Variants in LHFPL3 observed in about 807,000 individuals in gnomAD.
The protein encoded by LHFPL3 is LHFPL tetraspan subfamily member 3, also known as LHFPL tetraspan subfamily member 3 protein.
LHFPL3 carries 5 observed loss-of-function variants against 19.3 expected under a neutral mutation model. That is an observed-to-expected ratio of 0.26 (90% CI 0.14 to 0.54). The LOEUF (loss-of-function observed/expected upper bound fraction) is 0.54. Among genes scored for constraint, LHFPL3 ranks in the 20% least tolerant of loss-of-function variants. The pLI is 0.94. For missense variants in LHFPL3, 249 were observed against 307.4 expected (o/e 0.81, Z 1.42); for synonymous variants, 133 against 126.2 (o/e 1.05, Z -0.36).
chr7:104,825,788 T>G (rs1219303110), intron 2 of LHFPL3, among the ~76,000 whole-genome samples: 1 of 151,900 alleles, frequency 6.6e-6, no homozygotes, highest in East Asian at 1.9e-4. Context: ...TCCAACACAT[T>G]TGCATTTTAG....
chr7:104,458,418 A>G lies in LHFPL3; in HGVS notation c.445+129194A>G, dbSNP rs1332415700. 6.6e-5 allele frequency among the ~76,000 whole-genome samples: 10 copies of G among 152,210 alleles called. 1 individual carries two copies. Among genetic ancestry groups the G allele is most frequent in the Middle Eastern group, 3.4e-3 (1 of 294 alleles). On this transcript the variant is annotated intron_variant, in intron 1 of 2. Transcript: ENST00000424859. ...TTTTGTCAGGTTTGTCAAAGATCAG[A>G]TAGTTGTAGATATGCGGTGTTATTT...
At chr7:104,467,016 C>T (rs1473857200) in intron 1 of LHFPL3, among the ~76,000 whole-genome samples, 2 of 152,220 alleles carry the variant, frequency 1.3e-5, no homozygotes, top group East Asian at 1.9e-4. Context: ...TCCTTATTAA[C>T]ATCTGTTTCC....
intron 2 of LHFPL3, among the ~76,000 whole-genome samples, chr7:104,812,363 G>A (rs1171126939): frequency 6.6e-6 from 1 of 152,126 alleles, no homozygotes; most frequent in East Asian, 1.9e-4. Context: ...TACAGCAAGG[G>A]AAATGAAAGA....
intron 1 of LHFPL3, among the ~76,000 whole-genome samples, chr7:104,410,064 T>G (rs1454163289): frequency 6.6e-6 from 1 of 152,176 alleles, no homozygotes; most frequent in Non-Finnish European, 1.5e-5. Flanking sequence ...GTGGTCCATA[T>G]TCCTTAACTA....
chr7:104,368,386 G>T lies in LHFPL3; in HGVS notation c.445+39162G>T, dbSNP rs145128372. Among the ~76,000 whole-genome samples, 75 of 152,300 alleles carry T rather than the reference G, an allele frequency of 4.9e-4. 1 individual carries two copies. In the South Asian group the frequency reaches 8.7e-3, roughly 18 times the overall value. On this transcript the variant is annotated intron_variant, in intron 1 of 2. Coordinates refer to ENST00000424859, the MANE Select transcript of LHFPL3 (RefSeq NM_199000.3). ...AAGGGACCTGAACGGTTCAGTTTGAGACTTTTAAGATTGATTTTAGCTTAA... is the reference window on the plus strand; with the variant it reads ...AAGGGACCTGAACGGTTCAGTTTGATACTTTTAAGATTGATTTTAGCTTAA...
chr7:104,895,739 A>C (rs1467226903), intron 2 of LHFPL3: 1 of 151,746 alleles, frequency 6.6e-6, no homozygotes, highest in African/African-American at 2.4e-5. Context: ...TCTAACCCCA[A>C]CTCTTCAGTT....
chr7:104,384,525 G>A (rs1167065391), intron 1 of LHFPL3, among the ~76,000 whole-genome samples: 2 of 152,068 alleles, frequency 1.3e-5, no homozygotes, highest in Non-Finnish European at 2.9e-5. Context: ...GGTGGCTCAT[G>A]CCTGTAATCC....
In LHFPL3 at chr7:104,348,983, T is replaced by C. The variant is rs1032951855; in HGVS notation, c.445+19759T>C. ...GTCCTCCTTCTACCACTCTTCTCCT[T>C]TTTTCTCCTTTGACTCCTCCTTTTC... On this transcript the variant is annotated intron_variant, in intron 1 of 2. Coordinates refer to ENST00000424859, the MANE Select transcript of LHFPL3 (RefSeq NM_199000.3). 1.2e-4 allele frequency among the ~76,000 whole-genome samples: 4 copies of C among 32,950 alleles called. No homozygotes were observed. In the Admixed American group the frequency reaches 1.6e-3, roughly 13 times the overall value. The allele number at this position is 32,950 out of a possible 152,430, so 21.6% of individuals were successfully genotyped here. A position where few individuals can be genotyped will look rare whatever the true frequency, so the allele number is the denominator to read the frequency against.
At chr7:104,443,434 C>T (rs982433086) in intron 1 of LHFPL3, among the ~76,000 whole-genome samples, 9 of 152,258 alleles carry the variant, frequency 5.9e-5, no homozygotes, top group Middle Eastern at 3.4e-3. Context: ...ACTTATCAAG[C>T]GCCACTAGAC....
At chr7:104,589,734 T>C (rs540800144) in intron 1 of LHFPL3, among the ~76,000 whole-genome samples, 1 of 152,290 alleles carries the variant, frequency 6.6e-6, no homozygotes, top group African/African-American at 2.4e-5. Flanking sequence ...TGTGAATCCA[T>C]CTGGTCCTGG....
chr7:104,900,550 C>T (rs1792462976), intron 2 of LHFPL3, among the ~76,000 whole-genome samples: 1 of 152,212 alleles, frequency 6.6e-6, no homozygotes. Context: ...CCATCGTCTC[C>T]TGTGTTGAAA....
At chr7:104,467,646 C>G (rs555796627) in intron 1 of LHFPL3, among the ~76,000 whole-genome samples, 1 of 152,256 alleles carries the variant, frequency 6.6e-6, no homozygotes, top group South Asian at 2.1e-4. Flanking sequence ...GATGCGTATT[C>G]AATTTAATAA....
At chr7:104,738,462 A>G (rs1336717197) in intron 2 of LHFPL3, 3 of 152,218 alleles carry the variant, frequency 2.0e-5, no homozygotes, top group African/African-American at 7.2e-5. Flanking sequence ...TCTGCAGATT[A>G]TGATTTTTGC....
intron 1 of LHFPL3, among the ~76,000 whole-genome samples, chr7:104,508,560 G>A (rs1019000793): frequency 1.3e-5 from 2 of 151,420 alleles, no homozygotes; most frequent in African/African-American, 2.4e-5. Context: ...GTATACATAT[G>A]TAACTAACCT....
chr7:104,864,342 G>T (rs1049116510), intron 2 of LHFPL3, among the ~76,000 whole-genome samples: 2 of 149,358 alleles, frequency 1.3e-5, no homozygotes, highest in African/African-American at 2.5e-5. Flanking sequence ...AGTGCAAGGG[G>T]TCAGGGAATT....
chr7:104,455,701 A>G (rs529059028), intron 1 of LHFPL3, among the ~76,000 whole-genome samples: 47 of 152,302 alleles, frequency 3.1e-4, no homozygotes, highest in African/African-American at 1.1e-3. Context: ...CACTTGAGCA[A>G]AACAGTGAGG....
At chr7:104,838,768 GTTTTATTTTAA>G (rs1554349989) in intron 2 of LHFPL3, among the ~76,000 whole-genome samples, 4 of 152,112 alleles carry the variant, frequency 2.6e-5, no homozygotes, top group Non-Finnish European at 5.9e-5. Context: ...GAATTTTTGT[GTTTTATTTTAA>G]TTAATTTAAA....
chr7:104,711,827 A>T (rs1320858117), intron 1 of LHFPL3, among the ~76,000 whole-genome samples: 1 of 152,246 alleles, frequency 6.6e-6, no homozygotes, highest in Non-Finnish European at 1.5e-5. Flanking sequence ...AATTTATTCC[A>T]TATAATAAAG....
intron 2 of LHFPL3, among the ~76,000 whole-genome samples, chr7:104,776,699 A>G (rs1167739533): frequency 6.6e-6 from 1 of 152,340 alleles, no homozygotes; most frequent in Non-Finnish European, 1.5e-5. Flanking sequence ...CAAAGTATTC[A>G]TACTGGCATA....
Sources: allele counts gnomAD v4.1 joint callset (sites outside exome capture counted in the v4.1 genomes callset), GRCh38; gene constraint gnomAD v4.1.1; transcripts MANE v1.5; gene names NCBI Gene and HGNC (gene_info 2026-07-23, HGNC 2026-07-21).